The following EYS variants were observed in gnomAD, a reference collection of about 807,000 sequenced individuals.
EYS encodes the protein EGF-like photoreceptor maintenance factor.
In EYS, 250 loss-of-function variants were observed where a neutral mutation model predicts 282.1. The observed-to-expected ratio is 0.89, with a 90% CI of 0.80 to 0.98. The LOEUF is 0.98. Ranked by LOEUF, EYS falls within the 50% of genes least tolerant of loss-of-function variation. The pLI, the probability that EYS is intolerant of heterozygous loss-of-function variation, is 0.00. For synonymous variants in EYS, 1,355 were observed against 1,282.9 expected (o/e 1.06, Z -1.20); for missense variants, 4,016 against 3,709.0 (o/e 1.08, Z -2.15).
At chr6:64,265,071 T>G (rs574059326) in intron 30 of EYS, among the ~76,000 whole-genome samples, 1 of 133,642 alleles carries the variant, frequency 7.5e-6, no homozygotes, top group Admixed American at 8.0e-5. Context: ...CTCATTCAGT[T>G]TTGTCATTCT....
chr6:64,586,601 A>G lies in EYS; in HGVS notation c.5644+3622T>C, dbSNP rs182059776. Among the ~76,000 whole-genome samples the G allele has an allele frequency of 5.9e-5, 9 of 152,186 alleles. No homozygotes were observed. The East Asian group carries it at 1.7e-3, about 29-fold the overall frequency. On this transcript the variant is annotated intron_variant, in intron 26 of 42. Coordinates refer to ENST00000503581, the MANE Select transcript of EYS (RefSeq NM_001142800.2). ...TTCAGAAAGAAAAAACAAGAGATAA[A>G]ATGAACACATTTAATAAAATATCAA...
intron 22 of EYS, among the ~76,000 whole-genome samples, chr6:64,736,067 T>C (rs1772175064): frequency 6.6e-6 from 1 of 152,018 alleles, no homozygotes; most frequent in African/African-American, 2.4e-5. Flanking sequence ...CTCAAGCCCT[T>C]TCTATATTAT....
Position 64,591,723 on chromosome 6 carries a change from A to G in EYS, c.4144T>C (p.Phe1382Leu), listed in dbSNP as rs1446397289. 3.2e-6 allele frequency: 5 copies of G among 1,551,374 alleles called. No individual in the cohort carries two copies. Among genetic ancestry groups the G allele is most frequent in the Non-Finnish European group, 4.4e-6 (5 of 1,146,784 alleles). Reference sequence around the variant, plus strand: ...CTTGCTCTCCTATCAGGAAAAAAGAAACCTAGTGTGGCTGCTGAAGTTCGA... The same window carrying G: ...CTTGCTCTCCTATCAGGAAAAAAGAGACCTAGTGTGGCTGCTGAAGTTCGA... The part of the protein sequence containing the change: ...PIRTSAATLG[F>L]FFPDRRARTP... Residue 1382 changes from phenylalanine to leucine, a missense_variant, in exon 26 of 43, where the codon TTC (phenylalanine) becomes CTC (leucine). Coordinates refer to ENST00000503581, the MANE Select transcript of EYS (RefSeq NM_001142800.2).
chr6:65,296,082 C>G lies in EYS; in HGVS notation c.1804G>C (p.Val602Leu). ...CSLSYIGRLC[V>L]VNVDYCLGNH... The stretch of plus-strand genomic sequence containing the variant: ...CCTAAGCAATAGTCAACATTGACAA[C>G]ACACAATCTGCCAATGTAACTAAGA... The change falls in exon 12 of 43, where the codon GTT (valine) becomes CTT (leucine). Residue 602 changes from valine to leucine, a missense_variant. Transcript: ENST00000503581. 6.5e-7 allele frequency: 1 copy of G among 1,550,006 alleles called. No individual in the cohort carries two copies.
At chr6:64,408,609 A>G (rs990465554) in intron 28 of EYS, among the ~76,000 whole-genome samples, 2 of 152,188 alleles carry the variant, frequency 1.3e-5, no homozygotes, top group Non-Finnish European at 2.9e-5. Context: ...AAAGCCCTGC[A>G]TAACATGTAT....
intron 35 of EYS, among the ~76,000 whole-genome samples, chr6:63,885,802 C>G (rs1028069685): frequency 3.3e-5 from 5 of 152,052 alleles, no homozygotes; most frequent in Admixed American, 2.6e-4. Flanking sequence ...TGACCCAATT[C>G]GGGACTAAAA....
chr6:64,961,406 C>G (rs1769911302), intron 14 of EYS, among the ~76,000 whole-genome samples: 1 of 151,922 alleles, frequency 6.6e-6, no homozygotes, highest in Non-Finnish European at 1.5e-5. Context: ...GATCATCTAA[C>G]TGTAGTGAAC....
rs930321687 is a variant in EYS at position 64,860,432 on chromosome 6, T to A, written c.2992+26265A>T. 2.6e-5 allele frequency among the ~76,000 whole-genome samples: 4 copies of A among 152,332 alleles called. No individual in the cohort carries two copies. The South Asian group carries it at 8.3e-4, about 32-fold the overall frequency. ...ACTGCACACAGCCAGGCACACTGGC[T>A]GTGGCAGGGCTGGAAGCTCCAGGCA... On this transcript the variant is annotated intron_variant, in intron 19 of 42. Coordinates refer to ENST00000503581, the MANE Select transcript of EYS (RefSeq NM_001142800.2).
chr6:65,305,218 A>G (rs1466751913), intron 11 of EYS, among the ~76,000 whole-genome samples: 1 of 152,068 alleles, frequency 6.6e-6, no homozygotes, highest in Non-Finnish European at 1.5e-5. Context: ...TCTCCACAAA[A>G]AAGAGACTGA....
At chr6:63,978,048 G>A (rs1302051994) in intron 35 of EYS, among the ~76,000 whole-genome samples, 1 of 152,018 alleles carries the variant, frequency 6.6e-6, no homozygotes, top group Non-Finnish European at 1.5e-5. Flanking sequence ...GGAACCTGCA[G>A]GATATTCCAG....
chr6:64,617,100 T>A (rs1767298486), intron 24 of EYS, among the ~76,000 whole-genome samples: 1 of 152,090 alleles, frequency 6.6e-6, no homozygotes, highest in Non-Finnish European at 1.5e-5. Flanking sequence ...CCTGACGGTA[T>A]TAAGTAATTC....
chr6:65,371,992 GTAA>G (rs1562130176), intron 8 of EYS, among the ~76,000 whole-genome samples: 3 of 123,882 alleles, frequency 2.4e-5, no homozygotes, highest in Non-Finnish European at 5.1e-5. Context: ...GAGGATAATT[GTAA>G]AAAAAAAAAA....
intron 22 of EYS, among the ~76,000 whole-genome samples, chr6:64,673,844 CAGTT>C (rs1378014617): frequency 1.3e-5 from 2 of 151,946 alleles, no homozygotes; most frequent in African/African-American, 2.4e-5. Flanking sequence ...GAAAAAGTAA[CAGTT>C]AAATAAATAG....
intron 14 of EYS, among the ~76,000 whole-genome samples, chr6:64,990,328 T>G (rs1771022045): frequency 1.3e-5 from 2 of 151,554 alleles, no homozygotes; most frequent in African/African-American, 4.8e-5. Context: ...AAATGGCATA[T>G]AAAATGTTTT....
intron 30 of EYS, among the ~76,000 whole-genome samples, chr6:64,250,966 G>A (rs999911006): frequency 3.9e-5 from 6 of 152,010 alleles, no homozygotes; most frequent in South Asian, 2.1e-4. Context: ...GAGGAAACAC[G>A]TAAGTAGATC....
intron 26 of EYS, among the ~76,000 whole-genome samples, chr6:64,509,969 T>C (rs950805322): frequency 6.6e-6 from 1 of 152,170 alleles, no homozygotes; most frequent in Non-Finnish European, 1.5e-5. Context: ...AATCAATCTC[T>C]TTCATATTGA....
chr6:64,119,627 T>A (rs1010592157), intron 31 of EYS, among the ~76,000 whole-genome samples: 8 of 152,184 alleles, frequency 5.3e-5, no homozygotes, highest in Admixed American at 6.5e-5. Context: ...TGGGTAATTT[T>A]AAAAAAATAC....
At chr6:64,188,366 T>C (rs1049401234) in intron 31 of EYS, among the ~76,000 whole-genome samples, 1 of 152,186 alleles carries the variant, frequency 6.6e-6, no homozygotes, top group African/African-American at 2.4e-5. Flanking sequence ...CAATAAGGCC[T>C]ACATCTCATT....
In EYS at chr6:65,690,620, C is replaced by A. The variant is rs182357467; in HGVS notation, c.-448+16515G>T. Reference sequence around the variant, plus strand: ...AATCCTGCATGCAATTTTGTATTTACAATAATCAGGAGCATTTCATCTTTT... The same window carrying A: ...AATCCTGCATGCAATTTTGTATTTAAAATAATCAGGAGCATTTCATCTTTT... On this transcript the variant is annotated intron_variant, in intron 1 of 42. Transcript: ENST00000503581. 2.5e-3 allele frequency among the ~76,000 whole-genome samples: 380 copies of A among 150,074 alleles called. 7 individuals carry two copies. The highest frequency in any genetic ancestry group is 8.7e-3 in the African/African-American group (359 of 41,270).
Sources: gnomAD v4.1 joint callset for allele counts (sites outside exome capture counted in the v4.1 genomes callset) on GRCh38, gnomAD v4.1.1 for gene constraint, MANE v1.5 for transcripts, NCBI Gene and HGNC (gene_info 2026-07-23, HGNC 2026-07-21) for gene names.